The following ELOVL5 variants were observed in gnomAD, a reference collection of about 807,000 sequenced individuals.
The protein encoded by ELOVL5 is very long chain fatty acid elongase 5.
Under a neutral mutation model 38.6 loss-of-function variants are expected in ELOVL5, and 8 were observed. The ratio of observed to expected loss-of-function variants is 0.21; its 90% CI spans 0.12 to 0.37. The LOEUF is 0.37. Ranked by LOEUF, ELOVL5 falls within the 10% of genes least tolerant of loss-of-function variation. The pLI is 1.00. For missense variants in ELOVL5, 280 were observed against 367.8 expected (o/e 0.76, Z 1.95); for synonymous variants, 127 against 133.7 (o/e 0.95, Z 0.34).
chr6:53,280,969 C>T (rs1410407145), intron 3 of ELOVL5, among the ~76,000 whole-genome samples: 1 of 152,124 alleles, frequency 6.6e-6, no homozygotes, highest in Non-Finnish European at 1.5e-5. Context: ...AACTTGTAAC[C>T]TTTAGCATAA....
intron 1 of ELOVL5, among the ~76,000 whole-genome samples, chr6:53,335,064 T>G (rs1285812303): frequency 6.6e-6 from 1 of 152,202 alleles, no homozygotes; most frequent in Non-Finnish European, 1.5e-5. Flanking sequence ...AAGGCCAAAT[T>G]ATTTCTAAAT....
At position 53,300,619 on chromosome 6, in the gene ELOVL5, C is replaced by A. The variant is rs538095308; in HGVS notation, c.-8-4912G>T. The stretch of plus-strand genomic sequence containing the variant: ...TCTACCAAGGGAAAGGGTGGGTGTT[C>A]CATTTAGAGGCACAAATGAGCACAA... On this transcript the variant is annotated intron_variant, in intron 1 of 7. Coordinates refer to ENST00000304434, the MANE Select transcript of ELOVL5 (RefSeq NM_021814.5). Among the ~76,000 whole-genome samples, 52 of 152,236 alleles carry A rather than the reference C, an allele frequency of 3.4e-4. 1 individual carries two copies. The highest frequency in any genetic ancestry group is 1.6e-3 in the Admixed American group (25 of 15,288).
chr6:53,335,370 C>T (rs1243873962), intron 1 of ELOVL5, among the ~76,000 whole-genome samples: 1 of 152,178 alleles, frequency 6.6e-6, no homozygotes, highest in African/African-American at 2.4e-5. Context: ...CTTTCTGTTC[C>T]TCATATGCTC....
rs1765822641 is a variant in ELOVL5, at chr6:53,268,877, T to C, written c.*250A>G. The C allele has an allele frequency of 2.8e-6, 1 of 362,474 alleles. No individual in the cohort carries two copies. Among genetic ancestry groups the C allele is most frequent in the Non-Finnish European group, 5.0e-6 (1 of 201,004 alleles). 22.5% of individuals were successfully genotyped at this position (362,474 alleles called of 1,614,324 possible). ...CTAATAAGGCAACAGCAGTGTTGTA[T>C]ACTATAATAATACTCCCTTTCCACA... On this transcript the variant is annotated 3_prime_UTR_variant, in exon 8 of 8. Transcript: ENST00000304434.
At chr6:53,273,032 T>C (rs2127566247) in intron 6 of ELOVL5, among the ~76,000 whole-genome samples, 188 bp downstream of exon 6, 1 of 152,338 alleles carries the variant, frequency 6.6e-6, no homozygotes, top group South Asian at 2.1e-4. Flanking sequence ...TGTATGCCCA[T>C]GGTCACAGTT....
chr6:53,316,557 G>C (rs1284380963), intron 1 of ELOVL5, among the ~76,000 whole-genome samples: 1 of 152,044 alleles, frequency 6.6e-6, no homozygotes, highest in African/African-American at 2.4e-5. Context: ...GTTGGGGCGA[G>C]AGGCTGAAAA....
At chr6:53,295,759 T>C in intron 1 of ELOVL5, 52 bp from the exon 2 acceptor site, 1 of 1,134,082 alleles carries the variant, frequency 8.8e-7, no homozygotes, top group Non-Finnish European at 1.2e-6. Flanking sequence ...ATGTTTTTTA[T>C]ACAGTATTTT....
In ELOVL5 at chr6:53,316,856, T is replaced by G. The variant is rs1233847258; in HGVS notation, c.-8-21149A>C. Among the ~76,000 whole-genome samples, 4 of 152,122 alleles carry G rather than the reference T, an allele frequency of 2.6e-5. No homozygotes were observed. The East Asian group carries it at 5.8e-4, about 22-fold the overall frequency. On this transcript the variant is annotated intron_variant, in intron 1 of 7. Transcript: ENST00000304434. The stretch of plus-strand genomic sequence containing the variant: ...AGTTCTGTTCACCTAGACCTTCACT[T>G]TACTAATTTTATTAATAAATTGATT...
At chr6:53,284,321 A>AAAAC in intron 3 of ELOVL5, among the ~76,000 whole-genome samples, 1 of 151,322 alleles carries the variant, frequency 6.6e-6, no homozygotes, top group African/African-American at 2.4e-5. Context: ...TTTTAAAAAA[A>AAAAC]AAGGTAGAAA....
At chr6:53,275,359 A>G in intron 4 of ELOVL5, 98 bp from the exon 5 acceptor site, 3 of 1,313,164 alleles carry the variant, frequency 2.3e-6, no homozygotes, top group Middle Eastern at 2.5e-4. Context: ...TCTGATGTCA[A>G]CTCGGAGAAG....
chr6:53,335,154 A>G (rs1221165693), intron 1 of ELOVL5, among the ~76,000 whole-genome samples: 1 of 152,102 alleles, frequency 6.6e-6, no homozygotes, highest in African/African-American at 2.4e-5. Context: ...AGCCACCATC[A>G]TTTCCCAACC....
intron 1 of ELOVL5, 23 bp downstream of exon 1, chr6:53,348,794 T>C (rs1213470564): frequency 1.3e-5 from 6 of 453,102 alleles, no homozygotes; most frequent in Non-Finnish European, 2.7e-5. Context: ...CCCGACGAAG[T>C]TTCCCGGAGC....
At chr6:53,327,024 T>C (rs1305690752) in intron 1 of ELOVL5, among the ~76,000 whole-genome samples, 1 of 152,182 alleles carries the variant, frequency 6.6e-6, no homozygotes, top group Non-Finnish European at 1.5e-5. Flanking sequence ...ATGACCCTAC[T>C]TTAGATGAGC....
chr6:53,294,372 T>TA (rs770783866), intron 2 of ELOVL5: 3 of 1,565,892 alleles, frequency 1.9e-6, no homozygotes, highest in Non-Finnish European at 8.7e-7. Context: ...TCTTTATGCT[T>TA]AAAACCACAC....
Position 53,346,700 on chromosome 6 carries a change from A to G in ELOVL5, c.-9+2117T>C, listed in dbSNP as rs376611153. ...CACTAACTACCCACCTAGGCACCAA[A>G]GTTACCCTCAAGAAAAGTAAACAGT... On this transcript the variant is annotated intron_variant, in intron 1 of 7. Coordinates refer to ENST00000304434, the MANE Select transcript of ELOVL5 (RefSeq NM_021814.5). 1.5e-4 allele frequency among the ~76,000 whole-genome samples: 23 copies of G among 152,186 alleles called. No individual in the cohort carries two copies. The South Asian group carries it at 1.9e-3, about 12-fold the overall frequency.
At chr6:53,272,047 A>G (rs1374138979) in intron 6 of ELOVL5, among the ~76,000 whole-genome samples, 1 of 152,224 alleles carries the variant, frequency 6.6e-6, no homozygotes, top group Non-Finnish European at 1.5e-5. Flanking sequence ...AGGACCATAT[A>G]GCAGCTGGCA....
Position 53,267,510 on chromosome 6 carries a change from G to A in ELOVL5, c.*1617C>T, listed in dbSNP as rs890958756. ...CACACTATTGAATGTTATAGTTTCT[G>A]TATTGAAATATGTAAAGACATCTGC... On this transcript the variant is annotated 3_prime_UTR_variant, in exon 8 of 8. Transcript: ENST00000304434. 6.6e-6 allele frequency: 1 copy of A among 152,590 alleles called. No individual in the cohort carries two copies. The highest frequency in any genetic ancestry group is 1.5e-5 in the Non-Finnish European group (1 of 68,028). 9.5% of individuals were successfully genotyped at this position (152,590 alleles called of 1,614,324 possible). A position where few individuals can be genotyped will look rare whatever the true frequency, so the allele number is the denominator to read the frequency against.
At chr6:53,343,009 G>A (rs1769391940) in intron 1 of ELOVL5, among the ~76,000 whole-genome samples, 1 of 152,200 alleles carries the variant, frequency 6.6e-6, no homozygotes, top group African/African-American at 2.4e-5. Flanking sequence ...GAACCAAAAA[G>A]GCTGGTAATA....
At chr6:53,292,042 A>T (rs1766793159) in intron 2 of ELOVL5, 79 bp from the exon 3 acceptor site, 2 of 936,716 alleles carry the variant, frequency 2.1e-6, no homozygotes, top group Admixed American at 2.9e-5. Flanking sequence ...TCTAACCATG[A>T]TGATATAAAA....
Sources: allele counts gnomAD v4.1 joint callset (sites outside exome capture counted in the v4.1 genomes callset), GRCh38; gene constraint gnomAD v4.1.1; transcripts MANE v1.5; gene names NCBI Gene and HGNC (gene_info 2026-07-23, HGNC 2026-07-21).